The following KCNS3 variants were observed in gnomAD, a reference collection of about 807,000 sequenced individuals.
The protein encoded by KCNS3 is delayed-rectifier potassium channel regulatory subunit KCNS3.
Under a neutral mutation model 31.0 loss-of-function variants are expected in KCNS3, and 13 were observed. The ratio of observed to expected loss-of-function variants is 0.42; its 90% CI spans 0.27 to 0.67. The LOEUF (loss-of-function observed/expected upper bound fraction) is 0.67, where lower values mean the gene tolerates loss of function less well. Among genes scored for constraint, KCNS3 ranks in the 30% least tolerant of loss-of-function variants. The probability of loss-of-function intolerance (pLI) is 0.25; values close to 1 mark genes in which losing one functional copy is unlikely to be tolerated. For missense variants in KCNS3, 545 were observed against 622.4 expected (o/e 0.88, Z 1.32); for synonymous variants, 238 against 241.5 (o/e 0.99, Z 0.13).
intron 1 of KCNS3, among the ~76,000 whole-genome samples, chr2:17,882,009 A>G (rs1470909932): frequency 6.6e-6 from 1 of 152,238 alleles, no homozygotes; most frequent in Admixed American, 6.5e-5. Context: ...GTGTTTATCA[A>G]TATAAGAAAT....
chr2:17,897,598 C>T (rs1662060084), intron 1 of KCNS3, among the ~76,000 whole-genome samples: 1 of 152,172 alleles, frequency 6.6e-6, no homozygotes, highest in Non-Finnish European at 1.5e-5. Context: ...TGTATGTCCT[C>T]TTTTGAGAAG....
chr2:17,898,464 C>A (rs985534682), intron 1 of KCNS3, among the ~76,000 whole-genome samples: 9 of 152,008 alleles, frequency 5.9e-5, no homozygotes, highest in Non-Finnish European at 1.3e-4. Context: ...TCAGAAGGGC[C>A]CTGACTCCTG....
chr2:17,915,713 AT>A (rs1348133780), intron 1 of KCNS3, among the ~76,000 whole-genome samples: 1 of 152,236 alleles, frequency 6.6e-6, no homozygotes, highest in Non-Finnish European at 1.5e-5. Context: ...GTCTCAGAAG[AT>A]GCTAGTTATA....
At chr2:17,907,210 G>T in intron 1 of KCNS3, among the ~76,000 whole-genome samples, 1 of 152,314 alleles carries the variant, frequency 6.6e-6, no homozygotes, top group Middle Eastern at 3.4e-3. Flanking sequence ...TTACCATTAT[G>T]TAATGGCCTT....
At chr2:17,885,653 T>G (rs7602920) in intron 1 of KCNS3, among the ~76,000 whole-genome samples, 44,582 of 151,930 alleles carry the variant, frequency 0.29, 6,723 homozygotes, top group East Asian at 0.39. Flanking sequence ...TTTGAGGGGG[T>G]CCAGGCTTTT....
chr2:17,885,019 TA>T (rs1231031001), intron 1 of KCNS3, among the ~76,000 whole-genome samples: 1 of 151,562 alleles, frequency 6.6e-6, no homozygotes, highest in Non-Finnish European at 1.5e-5. Flanking sequence ...TTAATAGCAT[TA>T]TTTATATGTG....
At position 17,931,241 on chromosome 2, in the gene KCNS3, A is replaced by T; in HGVS notation, c.233A>T (p.Tyr78Phe). 6.2e-7 allele frequency: 1 copy of T among 1,614,084 alleles called. No homozygotes were observed. Reference protein sequence around the residue: ...YFDRNPSLFRYVLNFYYTGKL... With the variant: ...YFDRNPSLFRFVLNFYYTGKL... ...GATCGGAATCCCTCCTTGTTCAGAT[A>T]TGTTTTGAATTTTTATTACACGGGG... Residue 78 changes from tyrosine (Y) to phenylalanine (F), a missense_variant, in exon 3 of 3, where the codon TAT becomes TTT. Transcript: ENST00000304101. This position sits in a 1 kb window ranked among gnomAD's most constrained non-coding sequence, Gnocchi z 5.4.
At chr2:17,921,946 T>A (rs1232148739) in intron 2 of KCNS3, among the ~76,000 whole-genome samples, 1 of 135,888 alleles carries the variant, frequency 7.4e-6, no homozygotes, top group African/African-American at 2.8e-5. Context: ...TATATATATA[T>A]ATATATATAT....
At chr2:17,916,137 A>C (rs974005083) in intron 1 of KCNS3, among the ~76,000 whole-genome samples, 1 of 152,216 alleles carries the variant, frequency 6.6e-6, no homozygotes, top group African/African-American at 2.4e-5. Flanking sequence ...TTAGTAATTA[A>C]TATAGTGATT....
Position 17,931,861 on chromosome 2 carries a change from A to G in KCNS3, c.853A>G (p.Met285Val). The G allele has an allele frequency of 6.2e-7, 1 of 1,614,202 alleles. No homozygotes were observed. The highest frequency in any genetic ancestry group is 8.5e-7 in the Non-Finnish European group (1 of 1,180,026). ...KEEESEDIEN[M>V]GKVVQILRLM... is the part of the protein sequence containing the mutation. ...GGAAGAGAGTGAGGATATTGAGAAC[A>G]TGGGCAAGGTGGTCCAGATCCTACG... The change falls in exon 3 of 3, where the codon ATG becomes GTG. Residue 285 changes from methionine to valine, a missense_variant. Transcript: ENST00000304101. The surrounding 1 kb of genome is among the most constrained non-coding windows in gnomAD (Gnocchi z 5.4).
At position 17,932,164 on chromosome 2, in the gene KCNS3, A is replaced by G; in HGVS notation, c.1156A>G (p.Ile386Val). 6.2e-7 allele frequency: 1 copy of G among 1,613,384 alleles called. No individual in the cohort carries two copies. Residue 386 changes from isoleucine (I) to valine (V), a missense_variant, in exon 3 of 3, where the codon ATC (isoleucine) becomes GTC (valine). Transcript: ENST00000304101. ...THPVTLAGKL[I>V]ASTCIICGIL... The stretch of plus-strand genomic sequence containing the variant: ...CCCGGTCACCTTGGCGGGAAAGCTC[A>G]TCGCCAGCACATGCATCATCTGTGG...
At chr2:17,903,361 A>G (rs1333697888) in intron 1 of KCNS3, among the ~76,000 whole-genome samples, 1 of 152,218 alleles carries the variant, frequency 6.6e-6, no homozygotes, top group East Asian at 1.9e-4. Flanking sequence ...TAAAAAGTAT[A>G]TGTCTAAGTA....
In KCNS3 at chr2:17,887,661, A is replaced by G. The variant is rs568371306; in HGVS notation, c.-252+8855A>G. ...TGTGTGCAAGTATCTTTTTTGAATAATGACTTCTTTTCCTCTGGGTAGATA... is the reference window on the plus strand; with the variant it reads ...TGTGTGCAAGTATCTTTTTTGAATAGTGACTTCTTTTCCTCTGGGTAGATA... On this transcript the variant is annotated intron_variant, in intron 1 of 2. Transcript: ENST00000304101. Among the ~76,000 whole-genome samples, 259 of 152,264 alleles carry G rather than the reference A, an allele frequency of 1.7e-3. 1 individual carries two copies. The highest frequency in any genetic ancestry group is 2.8e-3 in the Non-Finnish European group (190 of 68,020).
intron 1 of KCNS3, among the ~76,000 whole-genome samples, chr2:17,909,445 G>T (rs368223639): frequency 2.6e-5 from 4 of 152,152 alleles, no homozygotes; most frequent in Admixed American, 2.6e-4. Flanking sequence ...GCTCACACTC[G>T]GTAGGCTGCA....
At chr2:17,927,826 A>G (rs564126220) in intron 2 of KCNS3, among the ~76,000 whole-genome samples, 2 of 152,312 alleles carry the variant, frequency 1.3e-5, no homozygotes, top group Admixed American at 1.3e-4. Context: ...CTTTCAACCA[A>G]TTGCCAATCA....
At chr2:17,911,740 T>G (rs904295229) in intron 1 of KCNS3, among the ~76,000 whole-genome samples, 2 of 152,228 alleles carry the variant, frequency 1.3e-5, no homozygotes, top group Non-Finnish European at 2.9e-5. Context: ...TTTTTAATGG[T>G]TTTACATGCA....
intron 1 of KCNS3, among the ~76,000 whole-genome samples, chr2:17,886,742 G>GTCCATCCATCCATCCATCCA (rs35391429): frequency 3.4e-5 from 5 of 146,932 alleles, no homozygotes; most frequent in African/African-American, 1.0e-4. Context: ...CCATTTAAAT[G>GTCCATCCATCCATCCATCCA]TCCATCCATC....
chr2:17,893,251 G>T (rs1274175095), intron 1 of KCNS3, among the ~76,000 whole-genome samples: 2 of 152,144 alleles, frequency 1.3e-5, no homozygotes, highest in African/African-American at 4.8e-5. Flanking sequence ...CTGAAGGGCC[G>T]GTCCCACTCC....
chr2:17,923,432 T>A (rs1364819719), intron 2 of KCNS3, among the ~76,000 whole-genome samples: 4 of 152,174 alleles, frequency 2.6e-5, no homozygotes, highest in African/African-American at 9.6e-5. Flanking sequence ...TCTTGATACT[T>A]GTCCTTTGAA....
Sources: gnomAD v4.1 joint callset for allele counts (sites outside exome capture counted in the v4.1 genomes callset) on GRCh38, gnomAD v4.1.1 for gene constraint, Gnocchi (gnomAD v3.1) non-coding constraint, MANE v1.5 for transcripts, NCBI Gene and HGNC (gene_info 2026-07-23, HGNC 2026-07-21) for gene names.